COG5: variants seen among roughly 807,000 people sequenced by gnomAD.
COG5 encodes the protein component of oligomeric golgi complex 5, also known as conserved oligomeric Golgi complex subunit 5.
A neutral mutation model predicts 110.4 loss-of-function variants in COG5; 86 were observed. That is an observed-to-expected ratio of 0.78 (90% confidence interval 0.65 to 0.93). The LOEUF is 0.93. Ranked by LOEUF, COG5 falls within the 40% of genes least tolerant of loss-of-function variation. COG5 has a pLI of 0.00. For missense variants in COG5, 1,077 were observed against 987.0 expected, an observed-to-expected ratio of 1.09 and a Z score of -1.22; for synonymous variants, 360 against 334.6, an observed-to-expected ratio of 1.08 and a Z score of -0.83.
intron 6 of COG5, among the ~76,000 whole-genome samples, chr7:107,464,262 T>C (rs1292139251): frequency 6.6e-6 from 1 of 152,248 alleles, no homozygotes; most frequent in Non-Finnish European, 1.5e-5. Flanking sequence ...ACATCTTTTA[T>C]GTTAGCTCTC....
chr7:107,467,328 G>A (rs556552915), intron 6 of COG5, among the ~76,000 whole-genome samples: 1 of 152,024 alleles, frequency 6.6e-6, no homozygotes, highest in Non-Finnish European at 1.5e-5. Context: ...ACGGAAACAA[G>A]GATCTTCATA....
At chr7:107,555,751 C>T in intron 2 of COG5, among the ~76,000 whole-genome samples, 1 of 152,004 alleles carries the variant, frequency 6.6e-6, no homozygotes, top group East Asian at 1.9e-4. Context: ...GTGGCTCACA[C>T]CTGTAATCCC....
At chr7:107,209,985 G>A (rs1799050051) in intron 21 of COG5, 1 of 991,188 alleles carries the variant, frequency 1.0e-6, no homozygotes, top group African/African-American at 1.7e-5. Context: ...CCTGGGCATG[G>A]TTGGGGTACA....
At chr7:107,501,329 T>G (rs140186994) in intron 6 of COG5, among the ~76,000 whole-genome samples, 1 of 152,182 alleles carries the variant, frequency 6.6e-6, no homozygotes, top group East Asian at 1.9e-4. Context: ...ATAAAAAACT[T>G]TGATACATTA....
At chr7:107,332,626 GA>G (rs1316954504) in intron 10 of COG5, among the ~76,000 whole-genome samples, 2 of 152,150 alleles carry the variant, frequency 1.3e-5, no homozygotes, top group African/African-American at 4.8e-5. Flanking sequence ...GAAGTGGGCA[GA>G]AGGATTTGGC....
At chr7:107,379,827 T>C (rs1265867703) in intron 7 of COG5, among the ~76,000 whole-genome samples, 2 of 152,050 alleles carry the variant, frequency 1.3e-5, no homozygotes, top group Non-Finnish European at 2.9e-5. Flanking sequence ...CACACAATAA[T>C]AGTGGGAGAC....
At chr7:107,318,063 C>T (rs1184702774) in intron 11 of COG5, among the ~76,000 whole-genome samples, 1 of 151,856 alleles carries the variant, frequency 6.6e-6, no homozygotes, top group Admixed American at 6.6e-5. Flanking sequence ...GAGGTTCGCT[C>T]TGTTGCCAGG....
At chr7:107,446,123 A>T (rs936522704) in intron 6 of COG5, among the ~76,000 whole-genome samples, 2 of 152,230 alleles carry the variant, frequency 1.3e-5, no homozygotes, top group Admixed American at 6.5e-5. Flanking sequence ...AGACAAGGTA[A>T]ATCAGTGATA....
At chr7:107,381,018 G>C (rs971423196) in intron 7 of COG5, among the ~76,000 whole-genome samples, 1 of 152,092 alleles carries the variant, frequency 6.6e-6, no homozygotes, top group Non-Finnish European at 1.5e-5. Context: ...CACATAAATA[G>C]AACCCATAAA....
intron 10 of COG5, among the ~76,000 whole-genome samples, chr7:107,331,654 GGGCCA>G (rs1810259436): frequency 2.6e-5 from 4 of 151,984 alleles, no homozygotes; most frequent in Non-Finnish European, 4.4e-5. Flanking sequence ...ACAACTTGAT[GGGCCA>G]GAAGATGTAT....
rs542724156 is a variant in COG5, at chr7:107,226,580, A to T, written c.2168+4035T>A. ...TTCTCAAGTCAATTCTCTTTACATG[A>T]CAACTGCAAAGAAGCTGGCAGGGCC... On this transcript the variant is annotated intron_variant, in intron 19 of 21. Coordinates refer to ENST00000297135, the MANE Select transcript of COG5 (RefSeq NM_006348.5). Among the ~76,000 whole-genome samples, 7 of 152,342 alleles carry T rather than the reference A, an allele frequency of 4.6e-5. No individual in the cohort carries two copies. The South Asian group carries it at 1.4e-3, about 32-fold the overall frequency.
rs1442477102 is a variant in COG5, at chr7:107,392,046, G to A, written c.670-19286C>T. 2.6e-5 allele frequency among the ~76,000 whole-genome samples: 4 copies of A among 152,016 alleles called. No homozygotes were observed. The South Asian group carries it at 8.3e-4, about 32-fold the overall frequency. On this transcript the variant is annotated intron_variant, in intron 7 of 21. Transcript: ENST00000297135. The stretch of plus-strand genomic sequence containing the variant: ...GTGGAGGTTGCAGTGAGCTGAGATT[G>A]CGCCACTGCACTCCAGCCTGGGCAG...
intron 6 of COG5, among the ~76,000 whole-genome samples, chr7:107,416,566 T>A (rs1056747144): frequency 1.3e-5 from 2 of 152,078 alleles, no homozygotes; most frequent in Non-Finnish European, 2.9e-5. Context: ...AACTTATATA[T>A]GTTAAAAATG....
At chr7:107,294,641 T>G (rs1806443562) in intron 12 of COG5, among the ~76,000 whole-genome samples, 2 of 151,668 alleles carry the variant, frequency 1.3e-5, no homozygotes, top group Non-Finnish European at 1.5e-5. Context: ...AACACTTCCC[T>G]TCTTCATTCA....
intron 19 of COG5, among the ~76,000 whole-genome samples, chr7:107,219,086 A>C (rs1799718459): frequency 6.6e-6 from 1 of 152,198 alleles, no homozygotes; most frequent in Admixed American, 6.5e-5. Flanking sequence ...CAGATATATG[A>C]AAAAATGCTC....
chr7:107,549,478 G>A (rs540313809), intron 3 of COG5, among the ~76,000 whole-genome samples: 47 of 151,954 alleles, frequency 3.1e-4, no homozygotes, highest in South Asian at 1.7e-3. Flanking sequence ...TGCATGCTCC[G>A]CCTCCCGGGT....
At chr7:107,243,483 G>A (rs377444070) in intron 17 of COG5, among the ~76,000 whole-genome samples, 15 of 134,192 alleles carry the variant, frequency 1.1e-4, no homozygotes, top group East Asian at 6.5e-4. Flanking sequence ...CTGCACTCCA[G>A]CCTAGGGGAC....
At chr7:107,559,651 T>C (rs1033146016) in intron 1 of COG5, among the ~76,000 whole-genome samples, 3 of 152,166 alleles carry the variant, frequency 2.0e-5, no homozygotes, top group African/African-American at 7.2e-5. Context: ...ATTCTTAAAA[T>C]GTAGTGGAAT....
chr7:107,227,672 CA>C (rs1800449591), intron 19 of COG5, among the ~76,000 whole-genome samples: 1 of 137,478 alleles, frequency 7.3e-6, no homozygotes, highest in Admixed American at 7.9e-5. Context: ...CCTGCCTCAG[CA>C]AACAGGAAAC....
Sources: gnomAD v4.1 joint callset for allele counts (sites outside exome capture counted in the v4.1 genomes callset) on GRCh38, gnomAD v4.1.1 for gene constraint, MANE v1.5 for transcripts, NCBI Gene and HGNC (gene_info 2026-07-23, HGNC 2026-07-21) for gene names.